The following SLC16A12 variants were observed in gnomAD, a reference collection of about 807,000 sequenced individuals.
SLC16A12 encodes the protein monocarboxylate transporter 12.
SLC16A12 carries 17 observed loss-of-function variants against 42.4 expected under a neutral mutation model. The ratio of observed to expected loss-of-function variants is 0.40; its 90% confidence interval spans 0.27 to 0.60. SLC16A12 has a LOEUF of 0.60. Among genes scored for constraint, SLC16A12 ranks in the 20% least tolerant of loss-of-function variants. The probability of loss-of-function intolerance (pLI) is 0.42; values close to 1 mark genes in which losing one functional copy is unlikely to be tolerated. For missense variants in SLC16A12, 544 were observed against 623.0 expected (o/e 0.87, Z 1.35); for synonymous variants, 224 against 229.4 (o/e 0.98, Z 0.21).
At chr10:89,441,433 G>GGTCCCA (rs1273063585) in intron 4 of SLC16A12, among the ~76,000 whole-genome samples, 182 bp from the exon 5 acceptor site, 2 of 152,156 alleles carry the variant, frequency 1.3e-5, no homozygotes, top group African/African-American at 4.8e-5. Flanking sequence ...CAGATAATAA[G>GGTCCCA]CAGCAGGGTT....
intron 2 of SLC16A12, among the ~76,000 whole-genome samples, chr10:89,480,381 G>A (rs759696788): frequency 6.6e-6 from 1 of 152,046 alleles, no homozygotes; most frequent in Non-Finnish European, 1.5e-5. Context: ...CTTTTAAAGG[G>A]GGCTTTAATG....
chr10:89,448,224 G>T (rs1266265366), intron 3 of SLC16A12, among the ~76,000 whole-genome samples: 1 of 152,088 alleles, frequency 6.6e-6, no homozygotes, highest in East Asian at 1.9e-4. Context: ...ATTCCAATCA[G>T]GAGAATAACA....
chr10:89,544,228 G>A (rs1843731125), intron 2 of SLC16A12, among the ~76,000 whole-genome samples: 1 of 152,186 alleles, frequency 6.6e-6, no homozygotes, highest in South Asian at 2.1e-4. Flanking sequence ...GCAGGTTGGT[G>A]GTTCTCTGAC....
At chr10:89,555,598 CATATATACATATATATACAGATATGT>C (rs1564607530) in intron 2 of SLC16A12, among the ~76,000 whole-genome samples, 10 of 132,670 alleles carry the variant, frequency 7.5e-5, no homozygotes, top group African/African-American at 2.8e-4. Context: ...TATATATACA[CATATATACATATATATACAGATATGT>C]ATATATACAC....
At chr10:89,543,377 C>A (rs1418819372) in intron 2 of SLC16A12, among the ~76,000 whole-genome samples, 1 of 152,214 alleles carries the variant, frequency 6.6e-6, no homozygotes, top group East Asian at 1.9e-4. Flanking sequence ...ATACATCAGA[C>A]AGATTTGAAT....
chr10:89,455,127 T>C (rs1191370013), intron 3 of SLC16A12, among the ~76,000 whole-genome samples: 8 of 151,940 alleles, frequency 5.3e-5, no homozygotes, highest in Admixed American at 3.9e-4. Context: ...TGAGGTAAAG[T>C]AGGGATGTGA....
chr10:89,469,002 T>G (rs1381258792), intron 2 of SLC16A12, among the ~76,000 whole-genome samples: 1 of 152,100 alleles, frequency 6.6e-6, no homozygotes, highest in Non-Finnish European at 1.5e-5. Context: ...TAGTGGTGCA[T>G]GCCGTAATCC....
chr10:89,495,969 G>T (rs1030608059), intron 2 of SLC16A12, among the ~76,000 whole-genome samples: 1 of 152,178 alleles, frequency 6.6e-6, no homozygotes, highest in African/African-American at 2.4e-5. Context: ...CATGCAACTG[G>T]CCAATCCACA....
intron 2 of SLC16A12, among the ~76,000 whole-genome samples, chr10:89,527,302 G>C (rs1843470117): frequency 6.6e-6 from 1 of 151,864 alleles, no homozygotes; most frequent in South Asian, 2.1e-4. Context: ...GACCAACGTG[G>C]TGAAACCCCG....
chr10:89,529,549 C>CT (rs140068667), intron 2 of SLC16A12, among the ~76,000 whole-genome samples: 8,172 of 129,900 alleles, frequency 0.063, 593 homozygotes, highest in African/African-American at 0.17. Flanking sequence ...CCTTTACAGT[C>CT]TTTTTTTTTT....
chr10:89,490,280 C>CT (rs1842827195), intron 2 of SLC16A12, among the ~76,000 whole-genome samples: 1 of 152,168 alleles, frequency 6.6e-6, no homozygotes, highest in Non-Finnish European at 1.5e-5. Context: ...AAACAGTACT[C>CT]TGTGATTTTC....
chr10:89,482,604 G>A (rs1842683057), intron 2 of SLC16A12, among the ~76,000 whole-genome samples: 1 of 151,856 alleles, frequency 6.6e-6, no homozygotes, highest in Non-Finnish European at 1.5e-5. Context: ...AACATAGCAA[G>A]ACCCTGTCTC....
intron 2 of SLC16A12, among the ~76,000 whole-genome samples, chr10:89,554,083 A>AAGGAAGGAAGGAAGGAAGGAAG (rs1843789966): frequency 3.0e-4 from 16 of 53,254 alleles, no homozygotes; most frequent in Middle Eastern, 8.5e-3. Context: ...AAAGAAAGAA[A>AAGGAAGGAAGGAAGGAAGGAAG]GAAAGAAAGA....
intron 2 of SLC16A12, among the ~76,000 whole-genome samples, chr10:89,515,103 G>GCAAAA (rs71942300): frequency 4.3e-5 from 6 of 140,172 alleles, no homozygotes; most frequent in Non-Finnish European, 7.7e-5. Flanking sequence ...AAAAAAAGAA[G>GCAAAA]CAAAACAAAA....
chr10:89,506,406 C>G (rs1404674740), intron 2 of SLC16A12, among the ~76,000 whole-genome samples: 2 of 152,160 alleles, frequency 1.3e-5, no homozygotes, highest in African/African-American at 4.8e-5. Flanking sequence ...TGTTCCGCAG[C>G]CTCCGCTGGT....
intron 2 of SLC16A12, among the ~76,000 whole-genome samples, chr10:89,478,184 T>G (rs932787711): frequency 6.6e-6 from 1 of 152,164 alleles, no homozygotes; most frequent in Non-Finnish European, 1.5e-5. Flanking sequence ...GAGCAGTTAC[T>G]AGAATCTTGG....
At chr10:89,445,237 A>T (rs1231230111) in intron 3 of SLC16A12, among the ~76,000 whole-genome samples, 1 of 152,242 alleles carries the variant, frequency 6.6e-6, no homozygotes, top group African/African-American at 2.4e-5. Flanking sequence ...TGGTTCTTCC[A>T]TCACAGTGTT....
chr10:89,544,077 C>T (rs1843730385), intron 2 of SLC16A12, among the ~76,000 whole-genome samples: 2 of 152,176 alleles, frequency 1.3e-5, no homozygotes, highest in East Asian at 3.8e-4. Context: ...TGTTGCTCTT[C>T]CTCTGGGAGA....
Position 89,485,430 on chromosome 10 carries a change from T to C in SLC16A12, c.-46-22806A>G, listed in dbSNP as rs543312856. On this transcript the variant is annotated intron_variant, in intron 2 of 7. Transcript: ENST00000371790. ...TTCCCAGGTCCTGAACTCAGCTGCT[T>C]ATGACATCTAACGGCTCATCCTGCT... Among the ~76,000 whole-genome samples the C allele has an allele frequency of 4.6e-5, 7 of 152,306 alleles. No homozygotes were observed. In the South Asian group the frequency reaches 1.5e-3, roughly 32 times the overall value.
Sources: gnomAD v4.1 joint callset for allele counts (sites outside exome capture counted in the v4.1 genomes callset) on GRCh38, gnomAD v4.1.1 for gene constraint, MANE v1.5 for transcripts, NCBI Gene and HGNC (gene_info 2026-07-23, HGNC 2026-07-21) for gene names.